PALLD: variants seen among roughly 807,000 people sequenced by gnomAD.
The protein encoded by PALLD is palladin.
In PALLD, 61 loss-of-function variants were observed where a neutral mutation model predicts 123.5. The ratio of observed to expected loss-of-function variants is 0.49; its 90% CI spans 0.40 to 0.61. The LOEUF (loss-of-function observed/expected upper bound fraction) is 0.61, where lower values mean the gene tolerates loss of function less well. Ranked by LOEUF, PALLD falls within the 20% of genes least tolerant of loss-of-function variation. PALLD has a pLI of 0.00. For synonymous variants in PALLD, 465 were observed against 496.4 expected, an observed-to-expected ratio of 0.94 and a Z score of 0.84; for missense variants, 1,273 against 1,377.0, an observed-to-expected ratio of 0.92 and a Z score of 1.20.
At chr4:168,559,536 G>A (rs757506672) in intron 2 of PALLD, among the ~76,000 whole-genome samples, 26 of 152,090 alleles carry the variant, frequency 1.7e-4, no homozygotes, top group Non-Finnish European at 3.7e-4. Context: ...CACATTTCAA[G>A]TAAAAGAACA....
At chr4:168,721,794 A>C (rs1222155395) in intron 10 of PALLD, among the ~76,000 whole-genome samples, 1 of 152,186 alleles carries the variant, frequency 6.6e-6, no homozygotes, top group Non-Finnish European at 1.5e-5. Flanking sequence ...ATGCTCTGGC[A>C]CTGAATGTTC....
chr4:168,634,502 G>A (rs925128759), intron 2 of PALLD, among the ~76,000 whole-genome samples: 1 of 152,216 alleles, frequency 6.6e-6, no homozygotes, highest in South Asian at 2.1e-4. Context: ...CAGCCTTGCA[G>A]TTTTTTTCCT....
At chr4:168,598,016 A>G (rs1001599616) in intron 2 of PALLD, among the ~76,000 whole-genome samples, 1 of 152,182 alleles carries the variant, frequency 6.6e-6, no homozygotes, top group Admixed American at 6.6e-5. Flanking sequence ...AAATAATCCA[A>G]GAGCCTATTT....
At chr4:168,864,720 G>A (rs953986576) in intron 10 of PALLD, 2 of 152,162 alleles carry the variant, frequency 1.3e-5, no homozygotes, top group African/African-American at 4.8e-5. Context: ...ACATGTTTTG[G>A]AAAAGATTAA....
chr4:168,625,504 T>TAGATAGATAGATAGATAGATAG (rs769777583), intron 2 of PALLD, among the ~76,000 whole-genome samples: 22 of 135,948 alleles, frequency 1.6e-4, no homozygotes, highest in East Asian at 6.6e-4. Flanking sequence ...ATCCAGGAGA[T>TAGATAGATAGATAGATAGATAG]ATATATATAT....
intron 1 of PALLD, chr4:168,507,445 G>A (rs911522568): frequency 1.1e-5 from 2 of 187,504 alleles, no homozygotes; most frequent in Non-Finnish European, 2.3e-5. Flanking sequence ...AAGCGGCTGG[G>A]AAAGAAAATA....
chr4:168,726,695 G>A (rs1786620854), intron 10 of PALLD, among the ~76,000 whole-genome samples: 1 of 151,894 alleles, frequency 6.6e-6, no homozygotes, highest in South Asian at 2.1e-4. Context: ...GGGTTCAGCA[G>A]ACACTTTGAG....
intron 10 of PALLD, among the ~76,000 whole-genome samples, chr4:168,818,697 A>G (rs1022475451): frequency 6.6e-6 from 1 of 152,258 alleles, no homozygotes; most frequent in African/African-American, 2.4e-5. Context: ...AAGCCTGAAG[A>G]TGTTTAGTAT....
intron 10 of PALLD, among the ~76,000 whole-genome samples, chr4:168,747,069 A>G (rs1730423698): frequency 6.6e-6 from 1 of 152,232 alleles, no homozygotes; most frequent in South Asian, 2.1e-4. Flanking sequence ...TTTCTTATTA[A>G]GTTGGATTCT....
intron 9 of PALLD, among the ~76,000 whole-genome samples, chr4:168,711,049 T>C (rs1172619808): frequency 2.0e-5 from 3 of 152,186 alleles, no homozygotes; most frequent in Non-Finnish European, 4.4e-5. Context: ...TAAAAATCTC[T>C]TTCGTACTGA....
At chr4:168,562,110 G>A (rs1580326853) in intron 2 of PALLD, among the ~76,000 whole-genome samples, 1 of 144,292 alleles carries the variant, frequency 6.9e-6, no homozygotes, top group Non-Finnish European at 1.5e-5. Context: ...AAAAAAAAAA[G>A]GAATGCAGAC....
intron 2 of PALLD, among the ~76,000 whole-genome samples, chr4:168,612,301 C>T (rs1393630185): frequency 6.6e-6 from 1 of 151,172 alleles, no homozygotes; most frequent in Non-Finnish European, 1.5e-5. Flanking sequence ...AAAATCATCT[C>T]TTCAACCCCC....
At chr4:168,914,857 A>G (rs1759776695) in intron 16 of PALLD, among the ~76,000 whole-genome samples, 1 of 152,226 alleles carries the variant, frequency 6.6e-6, no homozygotes, top group African/African-American at 2.4e-5. Flanking sequence ...CTGCATCCAC[A>G]CAGACTTTTG....
At chr4:168,676,424 T>C (rs1407335644) in intron 3 of PALLD, among the ~76,000 whole-genome samples, 1 of 151,800 alleles carries the variant, frequency 6.6e-6, no homozygotes. Context: ...ATTCCTCAAA[T>C]CTTGAAAGGC....
intron 3 of PALLD, among the ~76,000 whole-genome samples, chr4:168,670,756 C>CAAAAAAAAAAAAA (rs1297875131): frequency 2.8e-5 from 2 of 70,306 alleles, no homozygotes; most frequent in South Asian, 4.2e-4. Flanking sequence ...ACAAAAAAAA[C>CAAAAAAAAAAAAA]AAAAAAAACA....
intron 15 of PALLD, among the ~76,000 whole-genome samples, chr4:168,908,919 T>C (rs983353385): frequency 6.6e-6 from 1 of 152,218 alleles, no homozygotes; most frequent in Non-Finnish European, 1.5e-5. Context: ...GTTAATCTTT[T>C]GGGAATAAGA....
chr4:168,781,249 T>C (rs1735883120), intron 10 of PALLD, among the ~76,000 whole-genome samples: 1 of 152,162 alleles, frequency 6.6e-6, no homozygotes, highest in East Asian at 1.9e-4. Flanking sequence ...ATACACCAGG[T>C]TTGTGACTGT....
chr4:168,605,393 C>T (rs1773064918), intron 2 of PALLD, among the ~76,000 whole-genome samples: 1 of 152,140 alleles, frequency 6.6e-6, no homozygotes, highest in African/African-American at 2.4e-5. Flanking sequence ...CTGTTATGTT[C>T]ATGTCCAGCT....
chr4:168,664,467 C>T (rs1342222249), intron 2 of PALLD, among the ~76,000 whole-genome samples: 1 of 152,166 alleles, frequency 6.6e-6, no homozygotes, highest in Admixed American at 6.5e-5. Context: ...ATGATTGGTG[C>T]TTGTAAACCA....
Sources: gnomAD v4.1 joint callset for allele counts (sites outside exome capture counted in the v4.1 genomes callset) on GRCh38, gnomAD v4.1.1 for gene constraint, MANE v1.5 for transcripts, NCBI Gene and HGNC (gene_info 2026-07-23, HGNC 2026-07-21) for gene names.